The following MMRN1 variants were observed in gnomAD, a reference collection of about 807,000 sequenced individuals.
The protein encoded by MMRN1 is multimerin-1.
In MMRN1, 94 loss-of-function variants were observed where a neutral mutation model predicts 100.7. That is an observed-to-expected ratio of 0.93 (90% CI 0.79 to 1.11). MMRN1 has a LOEUF of 1.11. Ranked by LOEUF, MMRN1 falls within the 50% of genes least tolerant of loss-of-function variation. The pLI is 0.00. For synonymous variants in MMRN1, 575 were observed against 505.0 expected, an observed-to-expected ratio of 1.14 and a Z score of -1.86; for missense variants, 1,606 against 1,439.1, an observed-to-expected ratio of 1.12 and a Z score of -1.88.
intron 7 of MMRN1, 150 bp downstream of exon 7, chr4:89,951,901 A>T (rs1376195370): frequency 3.3e-6 from 3 of 905,642 alleles, no homozygotes; most frequent in Non-Finnish European, 4.7e-6. Context: ...TGAAGAATGT[A>T]CCTGATTTAC....
At chr4:89,932,405 G>A (rs1722469680) in intron 5 of MMRN1, among the ~76,000 whole-genome samples, 1 of 152,150 alleles carries the variant, frequency 6.6e-6, no homozygotes, top group South Asian at 2.1e-4. Flanking sequence ...CCATTCTGGG[G>A]TCTGCAGGAG....
intron 6 of MMRN1, among the ~76,000 whole-genome samples, chr4:89,951,173 G>C (rs1723160100): frequency 6.6e-6 from 1 of 151,778 alleles, no homozygotes; most frequent in East Asian, 1.9e-4. Flanking sequence ...TTTATATTTA[G>C]TATTTTTGTA....
chr4:89,896,573 C>T (rs1160904266), intron 1 of MMRN1, among the ~76,000 whole-genome samples: 1 of 152,050 alleles, frequency 6.6e-6, no homozygotes, highest in Non-Finnish European at 1.5e-5. Context: ...ATAGTTTTTA[C>T]ATGTAATAAT....
At chr4:89,891,752 T>C (rs944979528), upstream of MMRN1, among the ~76,000 whole-genome samples, 3 of 152,060 alleles carry the variant, frequency 2.0e-5, no homozygotes, top group African/African-American at 7.2e-5. Flanking sequence ...TTGACAGATA[T>C]GTCTTATGGA....
At chr4:89,913,507 T>C (rs759104940) in intron 3 of MMRN1, among the ~76,000 whole-genome samples, 4 of 151,272 alleles carry the variant, frequency 2.6e-5, no homozygotes, top group East Asian at 3.9e-4. Flanking sequence ...TACATACATG[T>C]AGGAAGAAAA....
upstream of MMRN1, among the ~76,000 whole-genome samples, chr4:89,890,641 C>T (rs1247701716): frequency 6.6e-6 from 1 of 152,080 alleles, no homozygotes; most frequent in African/African-American, 2.4e-5. Flanking sequence ...TACAGCTTTC[C>T]ATTAAGAAAA....
chr4:89,892,391 T>C (rs960891878), upstream of MMRN1, among the ~76,000 whole-genome samples: 1 of 151,494 alleles, frequency 6.6e-6, no homozygotes, highest in Non-Finnish European at 1.5e-5. Flanking sequence ...TCTAGTATAA[T>C]AGTATCTAGA....
intron 1 of MMRN1, among the ~76,000 whole-genome samples, chr4:89,907,829 G>GTCTGT (rs1721617265): frequency 7.2e-6 from 1 of 139,350 alleles, no homozygotes; most frequent in African/African-American, 2.6e-5. Context: ...CTGTTTTTTT[G>GTCTGT]TTTTTTTTTT....
At chr4:89,901,780 A>C (rs1010808317) in intron 1 of MMRN1, among the ~76,000 whole-genome samples, 1 of 152,072 alleles carries the variant, frequency 6.6e-6, no homozygotes, top group Non-Finnish European at 1.5e-5. Flanking sequence ...CTACTCTGTT[A>C]CTATAAATAT....
At chr4:89,906,855 C>A (rs1284117181) in intron 1 of MMRN1, among the ~76,000 whole-genome samples, 1 of 151,438 alleles carries the variant, frequency 6.6e-6, no homozygotes, top group Non-Finnish European at 1.5e-5. Context: ...TCTTTGTCTC[C>A]TCAACTATTT....
At chr4:89,887,942 CTCT>C (rs1720972868) in intron 1 of MMRN1, among the ~76,000 whole-genome samples, 2 of 151,872 alleles carry the variant, frequency 1.3e-5, no homozygotes, top group African/African-American at 2.4e-5. Context: ...AATGCTCTCT[CTCT>C]TCTTCTTTAT....
rs979084366 is a variant in MMRN1, at chr4:89,954,163, C to A, written c.*745C>A. ...TTCTATGGTAGTACCTACAGATCTGCCCTTCTTCTTCTAAAGGGTAAGTCA... is the reference window on the plus strand; with the variant it reads ...TTCTATGGTAGTACCTACAGATCTGACCTTCTTCTTCTAAAGGGTAAGTCA... On this transcript the variant is annotated 3_prime_UTR_variant, in exon 8 of 8. Transcript: ENST00000264790. 1.3e-5 allele frequency: 2 copies of A among 152,064 alleles called. No homozygotes were observed. Among genetic ancestry groups the A allele is most frequent in the Non-Finnish European group, 2.9e-5 (2 of 68,024 alleles). The allele number at this position is 152,064 out of a possible 1,614,324, so 9.4% of individuals were successfully genotyped here. A position where few individuals can be genotyped will look rare whatever the true frequency, so the allele number is the denominator to read the frequency against.
rs183650009 is a variant in MMRN1 at position 89,908,043 on chromosome 4, G to T, written c.624-1233G>T. Among the ~76,000 whole-genome samples, 177 of 151,042 alleles carry T rather than the reference G, an allele frequency of 1.2e-3. 1 individual carries two copies. The highest frequency in any genetic ancestry group is 4.3e-3 in the East Asian group (22 of 5,128). The stretch of plus-strand genomic sequence containing the variant: ...ACTTTTAAAATGATATTTCTGTCTG[G>T]CCCCCTCATTTTATTAATCTTTAAC... On this transcript the variant is annotated intron_variant, in intron 1 of 7. Coordinates refer to ENST00000264790, the MANE Select transcript of MMRN1 (RefSeq NM_007351.3).
At chr4:89,920,251 G>T (rs1335884809) in intron 3 of MMRN1, among the ~76,000 whole-genome samples, 1 of 152,032 alleles carries the variant, frequency 6.6e-6, no homozygotes, top group Non-Finnish European at 1.5e-5. Flanking sequence ...CTACATACTG[G>T]CAAAACACAA....
intron 4 of MMRN1, 103 bp downstream of exon 4, chr4:89,923,375 G>A: frequency 9.8e-7 from 1 of 1,025,488 alleles, no homozygotes. Context: ...GATTGATGGT[G>A]ACACATTAGC....
chr4:89,948,708 T>G (rs1417856462), intron 6 of MMRN1, among the ~76,000 whole-genome samples: 1 of 152,208 alleles, frequency 6.6e-6, no homozygotes, highest in African/African-American at 2.4e-5. Context: ...GGACATGATT[T>G]TATATTTTAA....
chr4:89,947,312 T>C (rs1723019961), intron 6 of MMRN1, among the ~76,000 whole-genome samples: 1 of 152,032 alleles, frequency 6.6e-6, no homozygotes, highest in African/African-American at 2.4e-5. Flanking sequence ...AATAAATAGA[T>C]TCATGTCTCT....
chr4:89,937,769 C>A (rs1722693807), intron 6 of MMRN1, among the ~76,000 whole-genome samples: 1 of 152,156 alleles, frequency 6.6e-6, no homozygotes, highest in Non-Finnish European at 1.5e-5. Context: ...GAGATCTAGA[C>A]TTTCCCGATG....
chr4:89,947,269 G>A (rs1215322081), intron 6 of MMRN1, among the ~76,000 whole-genome samples: 4 of 152,238 alleles, frequency 2.6e-5, no homozygotes, highest in Admixed American at 2.0e-4. Context: ...ACGACAGAGC[G>A]AGACTCCATC....
Sources: gnomAD v4.1 joint callset for allele counts (sites outside exome capture counted in the v4.1 genomes callset) on GRCh38, gnomAD v4.1.1 for gene constraint, MANE v1.5 for transcripts, NCBI Gene and HGNC (gene_info 2026-07-23, HGNC 2026-07-21) for gene names.